The following CHAT variants were observed in gnomAD, a reference collection of about 807,000 sequenced individuals.
The protein encoded by CHAT is acetyl CoA:choline O-acetyltransferase.
CHAT carries 61 observed loss-of-function variants against 76.9 expected under a neutral mutation model. That is an observed-to-expected ratio of 0.79 (90% CI 0.65 to 0.98). The LOEUF (loss-of-function observed/expected upper bound fraction) is 0.98. CHAT is among the 50% of genes least tolerant of loss of function. CHAT has a pLI of 0.00. For synonymous variants in CHAT, 407 were observed against 397.4 expected (o/e 1.02, Z -0.29); for missense variants, 946 against 986.9 (o/e 0.96, Z 0.56).
At chr10:49,628,847 C>T (rs1403820371) in intron 7 of CHAT, among the ~76,000 whole-genome samples, 1 of 152,284 alleles carries the variant, frequency 6.6e-6, no homozygotes, top group Non-Finnish European at 1.5e-5. Flanking sequence ...ACCCACCTTA[C>T]CCCCAGGGTG....
At chr10:49,611,022 G>T, upstream of CHAT, 1 of 1,613,852 alleles carries the variant, frequency 6.2e-7, no homozygotes, top group Non-Finnish European at 8.5e-7. Context: ...GCGCCTACAC[G>T]GCCAACACCT....
intron 7 of CHAT, among the ~76,000 whole-genome samples, chr10:49,639,540 TACACACACAC>T (rs3050615): frequency 3.2e-4 from 47 of 147,764 alleles, no homozygotes; most frequent in Admixed American, 6.1e-4. Context: ...AGTATATATA[TACACACACAC>T]ACACACACAC....
chr10:49,652,469 G>A (rs1424402934), intron 11 of CHAT, among the ~76,000 whole-genome samples: 1 of 151,992 alleles, frequency 6.6e-6, no homozygotes, highest in Non-Finnish European at 1.5e-5. Flanking sequence ...GCCCTTTCTC[G>A]TATCCCCGCA....
chr10:49,615,709 CTT>C, intron 1 of CHAT: 1 of 394,400 alleles, frequency 2.5e-6, no homozygotes, highest in Non-Finnish European at 4.6e-6. Flanking sequence ...TAATAACAGT[CTT>C]TGCCCTCTTG....
upstream of CHAT, chr10:49,611,110 A>G: frequency 6.2e-7 from 1 of 1,614,108 alleles, no homozygotes; most frequent in Non-Finnish European, 8.5e-7. Context: ...AGACGTGAAG[A>G]TCGGGGTGCT....
At chr10:49,631,553 G>A (rs1218674899) in intron 7 of CHAT, among the ~76,000 whole-genome samples, 1 of 152,200 alleles carries the variant, frequency 6.6e-6, no homozygotes, top group African/African-American at 2.4e-5. Flanking sequence ...GGAATGAAGT[G>A]ACAGACAGGG....
upstream of CHAT, chr10:49,610,996 A>C (rs1383075014): frequency 1.9e-6 from 3 of 1,612,894 alleles, no homozygotes; most frequent in Non-Finnish European, 2.5e-6. Flanking sequence ...GCCGCTGCCC[A>C]CTCCGGCCAA....
intron 7 of CHAT, among the ~76,000 whole-genome samples, chr10:49,632,220 G>A (rs926910871): frequency 2.6e-5 from 4 of 152,164 alleles, no homozygotes; most frequent in Non-Finnish European, 4.4e-5. Flanking sequence ...TAGCCATGCA[G>A]GGGAATGGCC....
At chr10:49,613,023 G>T (rs1389406131), upstream of CHAT, 2 of 152,442 alleles carry the variant, frequency 1.3e-5, no homozygotes, top group East Asian at 1.9e-4. Context: ...AGCTAGGCAC[G>T]CCAGGCCCCG....
chr10:49,652,321 A>G (rs546967283), intron 11 of CHAT, among the ~76,000 whole-genome samples: 1 of 152,166 alleles, frequency 6.6e-6, no homozygotes, highest in African/African-American at 2.4e-5. Flanking sequence ...GCTGCTCTCC[A>G]TCCCAACTTC....
chr10:49,650,057 G>GGGAAAAA (rs1839826947), intron 10 of CHAT, among the ~76,000 whole-genome samples: 1 of 152,082 alleles, frequency 6.6e-6, no homozygotes, highest in South Asian at 2.1e-4. Context: ...CAAGGGGAGG[G>GGGAAAAA]GGCCGTTCAG....
rs182894121 is a variant in CHAT at position 49,646,320 on chromosome 10, G to A, written c.1112-185G>A. Among the ~76,000 whole-genome samples, 490 of 152,330 alleles carry A rather than the reference G, an allele frequency of 3.2e-3. 7 individuals are homozygous for A. The highest frequency in any genetic ancestry group is 2.2e-3 in the Non-Finnish European group (153 of 68,010). ...GATCCTGGGGTAGGACAGAGGCTCA[G>A]GACACTCTGGCTGACTTCACTGCCC... is the stretch of plus-strand genomic sequence containing the variant. On this transcript the variant is annotated intron_variant, in intron 7 of 14. Transcript: ENST00000337653.
chr10:49,615,818 A>C lies in CHAT; in HGVS notation c.287-684A>C, dbSNP rs1838469304. The C allele has an allele frequency of 7.0e-6, 4 of 567,984 alleles. No homozygotes were observed. The South Asian group carries it at 7.7e-5, about 11-fold the overall frequency. The allele number at this position is 567,984 out of a possible 1,614,324, so 35.2% of individuals were successfully genotyped here. A position where few individuals can be genotyped will look rare whatever the true frequency, so the allele number is the denominator to read the frequency against. On this transcript the variant is annotated intron_variant, in intron 1 of 14. Transcript: ENST00000337653. The stretch of plus-strand genomic sequence containing the variant: ...GGCCCTGGCTGCCCAGCCTCCCTGC[A>C]TACCTCCCTGGGCACTCCTATGGCA...
upstream of CHAT, chr10:49,612,265 G>C (rs761075493): frequency 6.2e-7 from 1 of 1,610,676 alleles, no homozygotes; most frequent in South Asian, 1.1e-5. Flanking sequence ...TGGCCAGGAC[G>C]GCGAGCCTCG....
chr10:49,611,026 A>T, upstream of CHAT: 1 of 1,613,868 alleles, frequency 6.2e-7, no homozygotes, highest in Non-Finnish European at 8.5e-7. Flanking sequence ...CTACACGGCC[A>T]ACACCTCGGC....
intron 5 of CHAT, 47 bp downstream of exon 5, chr10:49,622,197 C>T (rs560723318): frequency 2.7e-5 from 43 of 1,577,756 alleles, no homozygotes; most frequent in Admixed American, 2.0e-4. Context: ...TCTGCCTATG[C>T]GTCTATCTCC....
chr10:49,632,899 T>G (rs1463287774), intron 7 of CHAT, among the ~76,000 whole-genome samples: 1 of 152,166 alleles, frequency 6.6e-6, no homozygotes, highest in Non-Finnish European at 1.5e-5. Flanking sequence ...GCCGCACCCC[T>G]CAGCTCCAGC....
intron 13 of CHAT, chr10:49,661,114 C>CGT (rs1483738522): frequency 1.3e-5 from 2 of 152,084 alleles, no homozygotes; most frequent in Non-Finnish European, 2.9e-5. Flanking sequence ...CTACAGGACC[C>CGT]GCGGCACCAG....
chr10:49,646,399 T>C (rs1590606050), intron 7 of CHAT, 106 bp from the exon 8 acceptor site: 5 of 1,424,112 alleles, frequency 3.5e-6, no homozygotes, highest in East Asian at 2.3e-5. Flanking sequence ...CTGGGTCTTG[T>C]TGTGATCCCA....
Sources: allele counts gnomAD v4.1 joint callset (sites outside exome capture counted in the v4.1 genomes callset), GRCh38; gene constraint gnomAD v4.1.1; transcripts MANE v1.5; gene names NCBI Gene and HGNC (gene_info 2026-07-23, HGNC 2026-07-21).